DAB1: variants seen among roughly 807,000 people sequenced by gnomAD.
DAB1 encodes the protein DAB adaptor protein 1.
A neutral mutation model predicts 64.6 loss-of-function variants in DAB1; 15 were observed. The observed-to-expected ratio is 0.23, with a 90% confidence interval of 0.16 to 0.36. The LOEUF is 0.36. Ranked by LOEUF, DAB1 falls within the 10% of genes least tolerant of loss-of-function variation. The probability of loss-of-function intolerance (pLI) is 1.00; values close to 1 mark genes in which losing one functional copy is unlikely to be tolerated. For missense variants in DAB1, 596 were observed against 706.7 expected (o/e 0.84, Z 1.78); for synonymous variants, 235 against 251.9 (o/e 0.93, Z 0.64).
intron 4 of DAB1, among the ~76,000 whole-genome samples, chr1:57,092,301 A>G (rs1436525308): frequency 6.6e-6 from 1 of 152,094 alleles, no homozygotes; most frequent in Non-Finnish European, 1.5e-5. Context: ...TATGGTTGAT[A>G]TTGTTTGGCT....
rs150672035 is a variant in DAB1, at chr1:57,056,468, G to A, written c.723+6416C>T. ...TACAGTGAGCTATGACTGCAACACT[G>A]CACTTCAGCCTTGGTGACAGAGTAA... On this transcript the variant is annotated intron_variant, in intron 9 of 14. Coordinates refer to ENST00000371236, the MANE Select transcript of DAB1 (RefSeq NM_001365792.1). Among the ~76,000 whole-genome samples the A allele has an allele frequency of 3.5e-4, 50 of 142,666 alleles. No homozygotes were observed. The East Asian group carries it at 8.5e-3, about 24-fold the overall frequency. 93.6% of individuals were successfully genotyped at this position (142,666 alleles called of 152,430 possible).
At chr1:57,329,169 C>A (rs1337604399) in intron 1 of DAB1, among the ~76,000 whole-genome samples, 1 of 152,144 alleles carries the variant, frequency 6.6e-6, no homozygotes, top group East Asian at 1.9e-4. Context: ...GAGTGCTGAA[C>A]CCTGGTCAAG....
chr1:57,479,287 T>C (rs907226110), intron 7 of DAB1, among the ~76,000 whole-genome samples: 1 of 151,856 alleles, frequency 6.6e-6, no homozygotes, highest in Middle Eastern at 3.2e-3. Flanking sequence ...ACCCTGGAAA[T>C]CACACACACA....
intron 3 of DAB1, among the ~76,000 whole-genome samples, chr1:58,505,517 A>G (rs777176590): frequency 3.1e-4 from 47 of 152,096 alleles, no homozygotes; most frequent in Non-Finnish European, 6.3e-4. Flanking sequence ...AGCTTGACCC[A>G]CTTATGAATT....
At chr1:58,485,333 T>C (rs542897740) in intron 3 of DAB1, among the ~76,000 whole-genome samples, 32 of 150,472 alleles carry the variant, frequency 2.1e-4, no homozygotes, top group Non-Finnish European at 4.6e-4. Flanking sequence ...CTTTTTGTGC[T>C]CATGCTTTTT....
chr1:57,054,485 T>G (rs1649539713), intron 9 of DAB1, among the ~76,000 whole-genome samples: 1 of 146,190 alleles, frequency 6.8e-6, no homozygotes, highest in African/African-American at 2.5e-5. Context: ...TTTTTTTTTT[T>G]TTTTTTTTTT....
intron 1 of DAB1, among the ~76,000 whole-genome samples, chr1:57,336,612 C>T (rs1010899734): frequency 5.3e-5 from 8 of 152,166 alleles, no homozygotes; most frequent in Admixed American, 1.3e-4. Context: ...ATCACCGTTT[C>T]CTTTTTACAA....
intron 2 of DAB1, among the ~76,000 whole-genome samples, chr1:57,253,892 C>T (rs1669563721): frequency 6.6e-6 from 1 of 152,134 alleles, no homozygotes; most frequent in Admixed American, 6.5e-5. Flanking sequence ...TTTCTTTTAT[C>T]CCAATAGCTG....
intron 7 of DAB1, among the ~76,000 whole-genome samples, chr1:57,531,079 C>CATCA (rs1644658063): frequency 6.6e-6 from 1 of 152,158 alleles, no homozygotes; most frequent in African/African-American, 2.4e-5. Flanking sequence ...CAAGCTAAGC[C>CATCA]ATCACATCCC....
At chr1:57,547,846 A>G (rs1323536845) in intron 7 of DAB1, among the ~76,000 whole-genome samples, 1 of 152,180 alleles carries the variant, frequency 6.6e-6, no homozygotes, top group Non-Finnish European at 1.5e-5. Context: ...TCTCTGTACT[A>G]TCTTTATGAT....
At chr1:58,160,451 G>T (rs538569576) in intron 4 of DAB1, among the ~76,000 whole-genome samples, 1 of 152,266 alleles carries the variant, frequency 6.6e-6, no homozygotes, top group South Asian at 2.1e-4. Flanking sequence ...CCTGTACAGA[G>T]GGCAATTAGG....
intron 4 of DAB1, among the ~76,000 whole-genome samples, chr1:58,324,420 C>T (rs1441081326): frequency 6.6e-6 from 1 of 152,056 alleles, no homozygotes; most frequent in African/African-American, 2.4e-5. Flanking sequence ...AAAAGCAGAC[C>T]CTGTTTCCTG....
chr1:57,011,229 AGATGATTTG>A lies in DAB1; in HGVS notation c.1479_1487del (p.Lys494_Ser496del), dbSNP rs1646257361. 1.2e-6 allele frequency: 2 copies of A among 1,613,948 alleles called. No individual in the cohort carries two copies. The highest frequency in any genetic ancestry group is 2.7e-5 in the African/African-American group (2 of 74,918). ...TGGTAGGATCACTGGCATGGGATGC[AGATGATTTG>A]GATGGAGAGCTCTGTCTAGGGGCTG... On this transcript the variant is annotated inframe_deletion, in exon 13 of 15. Transcript: ENST00000371236.
rs563095467 is a variant in DAB1, at chr1:57,786,086, C to G, written n.551+97913G>C. Among the ~76,000 whole-genome samples the G allele has an allele frequency of 1.0e-3, 157 of 152,292 alleles. 1 individual carries two copies. Among genetic ancestry groups the G allele is most frequent in the African/African-American group, 3.5e-3 (146 of 41,572 alleles). ...ACCAGCAAAGAAGATCACGACTCCT[C>G]TTACTGAAGGTTCTGATGAACATTC... On this transcript the variant is annotated intron_variant and non_coding_transcript_variant, in intron 6 of 20. Coordinates refer to the DAB1 transcript ENST00000485760.
chr1:58,105,763 G>A (rs1231404540), intron 5 of DAB1, among the ~76,000 whole-genome samples: 3 of 152,158 alleles, frequency 2.0e-5, no homozygotes, highest in South Asian at 2.1e-4. Flanking sequence ...CCCACTTCAA[G>A]AAACTATCCA....
intron 3 of DAB1, among the ~76,000 whole-genome samples, chr1:58,486,103 A>G (rs1333681905): frequency 2.0e-5 from 3 of 152,202 alleles, no homozygotes; most frequent in Non-Finnish European, 4.4e-5. Flanking sequence ...ATCTAAATTG[A>G]CATTGGAATT....
intron 1 of DAB1, among the ~76,000 whole-genome samples, chr1:57,402,719 A>G (rs1683345932): frequency 6.6e-6 from 1 of 152,226 alleles, no homozygotes; most frequent in African/African-American, 2.4e-5. Flanking sequence ...ATAGTTACCT[A>G]CTTCCTAGAG....
At chr1:57,166,428 T>C (rs1661216228) in intron 2 of DAB1, among the ~76,000 whole-genome samples, 1 of 152,134 alleles carries the variant, frequency 6.6e-6, no homozygotes, top group African/African-American at 2.4e-5. Flanking sequence ...TACAATCAAG[T>C]CAGAGTAGTA....
At chr1:57,339,137 C>CT (rs5774338) in intron 1 of DAB1, among the ~76,000 whole-genome samples, 22 of 145,332 alleles carry the variant, frequency 1.5e-4, no homozygotes, top group East Asian at 1.0e-3. Context: ...CGGCTTCTTT[C>CT]TTTTTTTTTT....
Sources: allele counts gnomAD v4.1 joint callset (sites outside exome capture counted in the v4.1 genomes callset), GRCh38; gene constraint gnomAD v4.1.1; transcripts MANE v1.5; gene names NCBI Gene and HGNC (gene_info 2026-07-23, HGNC 2026-07-21).